ADAMTSL1: variants seen among roughly 807,000 people sequenced by gnomAD.
The protein encoded by ADAMTSL1 is ADAMTS-like protein 1.
ADAMTSL1 carries 126 observed loss-of-function variants against 201.8 expected under a neutral mutation model. The observed-to-expected ratio is 0.62, with a 90% CI of 0.54 to 0.72. The LOEUF is 0.72. Ranked by LOEUF, ADAMTSL1 falls within the 30% of genes least tolerant of loss-of-function variation. The pLI is 0.00. For missense variants in ADAMTSL1, 2,679 were observed against 2,277.8 expected (o/e 1.18, Z -3.59); for synonymous variants, 1,121 against 903.4 (o/e 1.24, Z -4.32).
At chr9:18,681,587 A>C in intron 11 of ADAMTSL1, 1 of 326,028 alleles carries the variant, frequency 3.1e-6, no homozygotes, top group Non-Finnish European at 5.7e-6. Context: ...ATCCAAAGCT[A>C]TGGAATTGAA....
At chr9:18,391,804 T>C (rs1838057240) in intron 2 of ADAMTSL1, among the ~76,000 whole-genome samples, 1 of 148,760 alleles carries the variant, frequency 6.7e-6, no homozygotes, top group African/African-American at 2.4e-5. Context: ...AATCAACTAC[T>C]TTTTTTCTTT....
At chr9:18,469,573 C>T (rs887762479), upstream of ADAMTSL1, among the ~76,000 whole-genome samples, 2 of 152,226 alleles carry the variant, frequency 1.3e-5, no homozygotes, top group African/African-American at 4.8e-5. Context: ...GCCTCTTCCA[C>T]AGCCAGGAAG....
chr9:18,893,407 T>G (rs1829418189), intron 26 of ADAMTSL1, among the ~76,000 whole-genome samples: 2 of 152,174 alleles, frequency 1.3e-5, no homozygotes, highest in Non-Finnish European at 2.9e-5. Context: ...AATACATAGG[T>G]CTTGCTCCCT....
At chr9:18,419,475 A>G (rs1470219852) in intron 2 of ADAMTSL1, among the ~76,000 whole-genome samples, 1 of 151,632 alleles carries the variant, frequency 6.6e-6, no homozygotes, top group East Asian at 1.9e-4. Context: ...ATAGAAAATT[A>G]TGTTTGCACA....
intron 1 of ADAMTSL1, among the ~76,000 whole-genome samples, chr9:18,103,095 C>G (rs773425421): frequency 5.9e-5 from 9 of 152,060 alleles, no homozygotes; most frequent in African/African-American, 1.7e-4. Context: ...AATGATTTCT[C>G]TATATTCCTG....
chr9:18,644,332 A>G (rs1448971629), intron 7 of ADAMTSL1, among the ~76,000 whole-genome samples: 1 of 151,938 alleles, frequency 6.6e-6, no homozygotes, highest in Admixed American at 6.6e-5. Context: ...TATTGCAGGA[A>G]TCAGAATGGC....
intron 14 of ADAMTSL1, among the ~76,000 whole-genome samples, chr9:18,720,034 T>C (rs937967655): frequency 5.3e-5 from 8 of 152,248 alleles, no homozygotes; most frequent in African/African-American, 1.9e-4. Flanking sequence ...TAAATGTAAG[T>C]ATCTTTATAT....
At chr9:18,619,961 A>G (rs1176671646) in intron 4 of ADAMTSL1, among the ~76,000 whole-genome samples, 1 of 149,778 alleles carries the variant, frequency 6.7e-6, no homozygotes, top group African/African-American at 2.5e-5. Context: ...TAAAACTGTC[A>G]TGCTTTCTCA....
intron 23 of ADAMTSL1, among the ~76,000 whole-genome samples, chr9:18,840,118 T>C (rs1265811909): frequency 2.7e-5 from 4 of 148,036 alleles, no homozygotes; most frequent in Admixed American, 2.7e-4. Context: ...CCCATGCCTA[T>C]GTCCTGAATG....
intron 2 of ADAMTSL1, among the ~76,000 whole-genome samples, chr9:18,341,716 A>G (rs1835469232): frequency 6.6e-6 from 1 of 152,124 alleles, no homozygotes; most frequent in Admixed American, 6.6e-5. Flanking sequence ...CTATCACCAC[A>G]CAAAATAACC....
intron 1 of ADAMTSL1, among the ~76,000 whole-genome samples, chr9:18,107,897 C>T (rs886125889): frequency 6.6e-6 from 1 of 152,146 alleles, no homozygotes; most frequent in Non-Finnish European, 1.5e-5. Context: ...TTCAGAGCCA[C>T]CGTGCTGAGC....
intron 11 of ADAMTSL1, chr9:18,680,771 A>T (rs532659406): frequency 1.7e-5 from 8 of 480,410 alleles, no homozygotes; most frequent in Non-Finnish European, 3.0e-5. Context: ...CTCAAATAGC[A>T]CGGGGAAGCA....
intron 2 of ADAMTSL1, among the ~76,000 whole-genome samples, chr9:18,227,729 C>A (rs1275172059): frequency 6.6e-6 from 1 of 152,158 alleles, no homozygotes; most frequent in Admixed American, 6.5e-5. Flanking sequence ...TCCCTAGCAC[C>A]CCCAGTAGCC....
rs562153707 is a variant in ADAMTSL1 at position 18,422,907 on chromosome 9, C to T, written c.208-81922C>T. On this transcript the variant is annotated intron_variant, in intron 2 of 29. Transcript: ENST00000680146. ...TGAGATAAACTTGCCCTCTAACATT[C>T]TTTCTCACAGTTGACAATAACACTG... Among the ~76,000 whole-genome samples the T allele has an allele frequency of 8.7e-4, 133 of 152,322 alleles. 1 individual carries two copies. Among genetic ancestry groups the T allele is most frequent in the African/African-American group, 3.0e-3 (123 of 41,576 alleles).
chr9:17,961,607 T>C (rs1168399863), intron 1 of ADAMTSL1, among the ~76,000 whole-genome samples: 1 of 152,156 alleles, frequency 6.6e-6, no homozygotes, highest in Admixed American at 6.5e-5. Flanking sequence ...ATTTGACTGT[T>C]GGCTGTGTGT....
At chr9:18,302,556 G>A (rs1833746835) in intron 2 of ADAMTSL1, among the ~76,000 whole-genome samples, 1 of 152,130 alleles carries the variant, frequency 6.6e-6, no homozygotes, top group Admixed American at 6.5e-5. Flanking sequence ...AACTCAAAAT[G>A]CTCTGGTGCC....
intron 1 of ADAMTSL1, among the ~76,000 whole-genome samples, chr9:18,022,029 G>T (rs1820498120): frequency 1.3e-5 from 2 of 151,980 alleles, no homozygotes; most frequent in African/African-American, 4.8e-5. Flanking sequence ...TTAAAGAAAG[G>T]AAGATTCTAC....
At chr9:18,513,158 C>G (rs1189254316) in intron 2 of ADAMTSL1, among the ~76,000 whole-genome samples, 2 of 152,070 alleles carry the variant, frequency 1.3e-5, no homozygotes, top group Non-Finnish European at 2.9e-5. Flanking sequence ...TGTGGTAAGA[C>G]AATTTAGCAT....
Position 18,777,861 on chromosome 9 carries a change from C to A in ADAMTSL1, c.3632C>A (p.Thr1211Asn). The change falls in exon 19 of 29, where the codon ACC becomes AAC. Residue 1211 changes from threonine (T) to asparagine (N), a missense_variant. By Grantham distance (65) the Thr-to-Asn change is moderately conservative (BLOSUM62 0). Coordinates refer to ENST00000380548, the MANE Select transcript of ADAMTSL1 (RefSeq NM_001040272.6). ...HCEAIGHPRPTISWARNGEEV... is the reference protein window; with the variant it reads ...HCEAIGHPRPNISWARNGEEV... ...GAGGCCATCGGCCACCCAAGGCCTACCATCAGCTGGGCCAGGAATGGAGAA... is the reference window on the plus strand; with the variant it reads ...GAGGCCATCGGCCACCCAAGGCCTAACATCAGCTGGGCCAGGAATGGAGAA... 6.3e-7 allele frequency: 1 copy of A among 1,578,026 alleles called. No individual in the cohort carries two copies. Among genetic ancestry groups the A allele is most frequent in the Non-Finnish European group, 8.6e-7 (1 of 1,157,540 alleles).
Sources: gnomAD v4.1 joint callset for allele counts (sites outside exome capture counted in the v4.1 genomes callset) on GRCh38, gnomAD v4.1.1 for gene constraint, MANE v1.5 for transcripts, NCBI Gene and HGNC (gene_info 2026-07-23, HGNC 2026-07-21) for gene names.